The following KIF13A variants were observed in gnomAD, a reference collection of about 807,000 sequenced individuals.
The protein encoded by KIF13A is kinesin-like protein KIF13A.
In KIF13A, 79 loss-of-function variants were observed where a neutral mutation model predicts 212.2. That is an observed-to-expected ratio of 0.37 (90% confidence interval 0.31 to 0.45). The LOEUF (loss-of-function observed/expected upper bound fraction) is 0.45. Ranked by LOEUF, KIF13A falls within the 20% of genes least tolerant of loss-of-function variation. The pLI is 1.00. For missense variants in KIF13A, 1,901 were observed against 2,209.0 expected, an observed-to-expected ratio of 0.86 and a Z score of 2.79; for synonymous variants, 789 against 808.6, an observed-to-expected ratio of 0.98 and a Z score of 0.41.
chr6:17,804,441 C>A lies in KIF13A; in HGVS notation c.2374G>T (p.Val792Leu), dbSNP rs991788242. The A allele has an allele frequency of 8.2e-6, 13 of 1,580,294 alleles. No individual in the cohort carries two copies. Among genetic ancestry groups the A allele is most frequent in the Admixed American group, 1.8e-5 (1 of 55,282 alleles). ...EAQENHNLIGVANVFLECLFC... is the reference protein window; with the variant it reads ...EAQENHNLIGLANVFLECLFC... ...AGGCATTCCAAGAATACATTCGCCACCCCGATGAGGTTGTGATTTTCTTGG... is the reference window on the plus strand; with the variant it reads ...AGGCATTCCAAGAATACATTCGCCAACCCGATGAGGTTGTGATTTTCTTGG... The change falls in exon 20 of 39, where the codon GTG becomes TTG. Residue 792 changes from valine (V) to leucine (L), a missense_variant. Transcript: ENST00000259711.
intron 2 of KIF13A, among the ~76,000 whole-genome samples, chr6:17,904,897 T>C (rs1773362284): frequency 6.6e-6 from 1 of 152,246 alleles, no homozygotes; most frequent in South Asian, 2.1e-4. Context: ...CTGAAAGATA[T>C]ACAGTTAAAT....
intron 38 of KIF13A, among the ~76,000 whole-genome samples, chr6:17,767,186 T>C (rs1345998067): frequency 6.6e-6 from 1 of 152,234 alleles, no homozygotes; most frequent in Non-Finnish European, 1.5e-5. Context: ...TTGAACAGAA[T>C]TGTCTGAACC....
In KIF13A at chr6:17,787,627, G is replaced by T; in HGVS notation, c.3361+149C>A. The T allele has an allele frequency of 1.7e-6, 1 of 604,232 alleles. No homozygotes were observed. The highest frequency in any genetic ancestry group is 3.0e-6 in the Non-Finnish European group (1 of 338,476). 37.4% of individuals were successfully genotyped at this position (604,232 alleles called of 1,614,324 possible). A position where few individuals can be genotyped will look rare whatever the true frequency, so the allele number is the denominator to read the frequency against. ...GATCCTGCCACTGCACTCCAGCTTG[G>T]GTGACAGAGTGAGACCCTGTCTTAA... On this transcript the variant is annotated intron_variant, in intron 27 of 38. Transcript: ENST00000259711. The surrounding 1 kb of genome is among the most constrained non-coding windows in gnomAD (Gnocchi z 4.6).
intron 2 of KIF13A, among the ~76,000 whole-genome samples, chr6:17,980,424 C>T (rs1780961652): frequency 6.6e-6 from 1 of 152,088 alleles, no homozygotes; most frequent in African/African-American, 2.4e-5. Context: ...AGATTCCACA[C>T]AGAAGACAGG....
intron 2 of KIF13A, among the ~76,000 whole-genome samples, chr6:17,969,541 A>T (rs1422663943): frequency 1.3e-5 from 2 of 151,980 alleles, no homozygotes; most frequent in Non-Finnish European, 2.9e-5. Context: ...GTTCAATAAT[A>T]TTAGGTTTCT....
intron 2 of KIF13A, chr6:17,950,527 A>G: frequency 1.0e-6 from 1 of 985,312 alleles, no homozygotes; most frequent in Non-Finnish European, 1.2e-6. Flanking sequence ...ATGTACACAA[A>G]CACACATTCC....
chr6:17,869,012 A>AC (rs1769716708), intron 4 of KIF13A, among the ~76,000 whole-genome samples: 1 of 148,984 alleles, frequency 6.7e-6, no homozygotes, highest in Non-Finnish European at 1.5e-5. Context: ...AAAAAAAAAA[A>AC]AAAAAAAACA....
chr6:17,855,930 CA>C lies in KIF13A; in HGVS notation c.313+99del. ...CTTACTATGTTGCCCAGGCTGGTCT[CA>C]AACTCCTGGGCTCAGGAGATCCTCC... On this transcript the variant is annotated intron_variant, in intron 5 of 38. Transcript: ENST00000259711. This position sits in a 1 kb window ranked among gnomAD's most constrained non-coding sequence, Gnocchi z 4.1. 1 of 831,094 alleles carries C rather than the reference CA, an allele frequency of 1.2e-6. No homozygotes were observed. Among genetic ancestry groups the C allele is most frequent in the Non-Finnish European group, 2.0e-6 (1 of 511,872 alleles). 51.5% of individuals were successfully genotyped at this position (831,094 alleles called of 1,614,324 possible).
chr6:17,957,019 T>C (rs1778404744), intron 2 of KIF13A, among the ~76,000 whole-genome samples: 1 of 152,136 alleles, frequency 6.6e-6, no homozygotes, highest in African/African-American at 2.4e-5. Flanking sequence ...TAGCTGGGAT[T>C]GCAGGTACCC....
In KIF13A at chr6:17,918,523, TAA is replaced by T. The variant is rs1386026779; in HGVS notation, c.147-20345_147-20344del. On this transcript the variant is annotated intron_variant, in intron 2 of 38. Coordinates refer to ENST00000259711, the MANE Select transcript of KIF13A (RefSeq NM_022113.6). The surrounding 1 kb of genome is among the most constrained non-coding windows in gnomAD (Gnocchi z 4.8). Reference sequence around the variant, plus strand: ...ATTTACTGGATTACTCAGTAGCTCTTAAAGTGGCAGGTATCAAGTGGGGAAGC... The same window carrying T: ...ATTTACTGGATTACTCAGTAGCTCTTAGTGGCAGGTATCAAGTGGGGAAGC... Among the ~76,000 whole-genome samples the T allele has an allele frequency of 2.0e-5, 3 of 152,214 alleles. No individual in the cohort carries two copies. Among genetic ancestry groups the T allele is most frequent in the Admixed American group, 1.3e-4 (2 of 15,280 alleles).
At chr6:17,977,482 G>GT (rs1214445150) in intron 2 of KIF13A, among the ~76,000 whole-genome samples, 1 of 152,144 alleles carries the variant, frequency 6.6e-6, no homozygotes, top group African/African-American at 2.4e-5. Flanking sequence ...AGAAACAACT[G>GT]TAAGGCCCAA....
chr6:17,883,925 T>C lies in KIF13A; in HGVS notation c.160-10488A>G, dbSNP rs80113687. Among the ~76,000 whole-genome samples the C allele has an allele frequency of 6.6e-6, 1 of 152,162 alleles. No individual in the cohort carries two copies. The highest frequency in any genetic ancestry group is 1.9e-4 in the East Asian group (1 of 5,176). ...CCTGGACAACCTAGTGAGATCCCATTGCTAAAAGGAAATAATAATATTAAC... is the reference window on the plus strand; with the variant it reads ...CCTGGACAACCTAGTGAGATCCCATCGCTAAAAGGAAATAATAATATTAAC... On this transcript the variant is annotated intron_variant, in intron 3 of 38. Transcript: ENST00000259711. The surrounding 1 kb of genome is among the most constrained non-coding windows in gnomAD (Gnocchi z 4.8).
At chr6:17,812,316 T>G (rs923572809) in intron 17 of KIF13A, 13 of 150,584 alleles carry the variant, frequency 8.6e-5, no homozygotes, top group Non-Finnish European at 1.0e-4. Context: ...CAGGTTTTTG[T>G]TTTTTTTTCC....
intron 2 of KIF13A, among the ~76,000 whole-genome samples, chr6:17,931,963 C>T (rs1776024123): frequency 6.6e-6 from 1 of 152,112 alleles, no homozygotes; most frequent in Admixed American, 6.5e-5. Flanking sequence ...CACAATGGTT[C>T]CCAAACTGTG....
intron 2 of KIF13A, among the ~76,000 whole-genome samples, chr6:17,945,803 A>T (rs1361252558): frequency 6.6e-6 from 1 of 152,218 alleles, no homozygotes; most frequent in Non-Finnish European, 1.5e-5. Context: ...AGTTATCAGT[A>T]CTGCAGTGTG....
At chr6:17,784,916 CTAA>C (rs1760917361) in intron 28 of KIF13A, among the ~76,000 whole-genome samples, 1 of 152,144 alleles carries the variant, frequency 6.6e-6, no homozygotes, top group Admixed American at 6.5e-5. Flanking sequence ...GGTATTATCA[CTAA>C]TGTTTCTATG....
chr6:17,828,337 C>T lies in KIF13A; in HGVS notation c.1435G>A (p.Asp479Asn), dbSNP rs1765152416. 1 of 1,611,688 alleles carries T rather than the reference C, an allele frequency of 6.2e-7. No individual in the cohort carries two copies. Among genetic ancestry groups the T allele is most frequent in the Non-Finnish European group, 8.5e-7 (1 of 1,178,918 alleles). ...HTRVGADTSQ[D>N]IQLFGIGIQP... ...ATTCCTATGCCAAAAAGCTGGATAT[C>T]TTGAGAGGTATCTGCACCCACCCTG... Residue 479 changes from aspartate (D) to asparagine (N), a missense_variant, in exon 14 of 39, where the codon GAT becomes AAT. Coordinates refer to ENST00000259711, the MANE Select transcript of KIF13A (RefSeq NM_022113.6). This position sits in a 1 kb window ranked among gnomAD's most constrained non-coding sequence, Gnocchi z 4.3.
intron 2 of KIF13A, among the ~76,000 whole-genome samples, chr6:17,911,684 G>A (rs1202493842): frequency 7.8e-6 from 1 of 127,752 alleles, no homozygotes; most frequent in Non-Finnish European, 1.7e-5. Context: ...GTGGCGGGGG[G>A]TGGTTAATGG....
chr6:17,908,083 C>G (rs1310095276), intron 2 of KIF13A, among the ~76,000 whole-genome samples: 1 of 152,132 alleles, frequency 6.6e-6, no homozygotes, highest in Non-Finnish European at 1.5e-5. Context: ...AAAGACAGAA[C>G]ACAAAGACAA....
Sources: gnomAD v4.1 joint callset for allele counts (sites outside exome capture counted in the v4.1 genomes callset) on GRCh38, gnomAD v4.1.1 for gene constraint, Gnocchi (gnomAD v3.1) non-coding constraint, MANE v1.5 for transcripts, NCBI Gene and HGNC (gene_info 2026-07-23, HGNC 2026-07-21) for gene names.